The following BICC1 variants were observed in gnomAD, a reference collection of about 807,000 sequenced individuals.
The protein encoded by BICC1 is protein bicaudal C homolog 1.
Under a neutral mutation model 111.0 loss-of-function variants are expected in BICC1, and 43 were observed. The ratio of observed to expected loss-of-function variants is 0.39; its 90% CI spans 0.30 to 0.50. The LOEUF (loss-of-function observed/expected upper bound fraction) is 0.50. Among genes scored for constraint, BICC1 ranks in the 20% least tolerant of loss-of-function variants. The pLI, the probability that BICC1 is intolerant of heterozygous loss-of-function variation, is 0.88. For missense variants in BICC1, 1,091 were observed against 1,203.2 expected, an observed-to-expected ratio of 0.91 and a Z score of 1.38; for synonymous variants, 467 against 434.4, an observed-to-expected ratio of 1.07 and a Z score of -0.93.
intron 2 of BICC1, among the ~76,000 whole-genome samples, chr10:58,684,667 G>A (rs1279174918): frequency 6.6e-6 from 1 of 152,156 alleles, no homozygotes; most frequent in Non-Finnish European, 1.5e-5. Context: ...TTGCATAGAG[G>A]TGTTTATAGT....
chr10:58,726,147 T>A (rs1841096975), intron 3 of BICC1, among the ~76,000 whole-genome samples: 1 of 152,206 alleles, frequency 6.6e-6, no homozygotes, highest in South Asian at 2.1e-4. Flanking sequence ...CATTTAAAAT[T>A]GTTTGCAAGC....
chr10:58,605,369 C>A (rs1244339793), intron 1 of BICC1, among the ~76,000 whole-genome samples: 1 of 152,170 alleles, frequency 6.6e-6, no homozygotes, highest in African/African-American at 2.4e-5. Context: ...CTGTTTATTG[C>A]ATTCTCCCCA....
At chr10:58,788,937 T>A (rs1843092483) in intron 6 of BICC1, among the ~76,000 whole-genome samples, 1 of 151,996 alleles carries the variant, frequency 6.6e-6, no homozygotes, top group Non-Finnish European at 1.5e-5. Flanking sequence ...AAAACATTTT[T>A]AAAAATTAGC....
chr10:58,795,112 C>G (rs1843310505), intron 9 of BICC1, among the ~76,000 whole-genome samples: 7 of 152,016 alleles, frequency 4.6e-5, no homozygotes, highest in Admixed American at 4.6e-4. Flanking sequence ...GGGAGATGTT[C>G]TATTTATTTA....
intron 1 of BICC1, among the ~76,000 whole-genome samples, chr10:58,612,945 AC>A (rs1339323088): frequency 2.7e-5 from 4 of 147,238 alleles, no homozygotes; most frequent in Non-Finnish European, 6.1e-5. Flanking sequence ...CATTAACTGG[AC>A]TTGCTCTGTA....
At chr10:58,649,285 C>T (rs1281262450) in intron 2 of BICC1, among the ~76,000 whole-genome samples, 2 of 152,136 alleles carry the variant, frequency 1.3e-5, no homozygotes, top group Non-Finnish European at 2.9e-5. Flanking sequence ...TGCCCCAATG[C>T]CTATGAAAAG....
chr10:58,736,917 A>G (rs1481656333), intron 3 of BICC1, among the ~76,000 whole-genome samples: 1 of 152,100 alleles, frequency 6.6e-6, no homozygotes, highest in African/African-American at 2.4e-5. Flanking sequence ...TAAAGAAAAT[A>G]GAACTAATTT....
Position 58,814,123 on chromosome 10 carries a change from C to T in BICC1, c.2533+137C>T, listed in dbSNP as rs756710654. 3.5e-5 allele frequency: 34 copies of T among 977,044 alleles called. 1 individual carries two copies. The African/African-American group carries it at 5.5e-4, about 16-fold the overall frequency. The allele number at this position is 977,044 out of a possible 1,614,324, so 60.5% of individuals were successfully genotyped here. On this transcript the variant is annotated intron_variant, in intron 18 of 20. Coordinates refer to ENST00000373886, the MANE Select transcript of BICC1 (RefSeq NM_001080512.3). ...TCACATGCCATCTCCTCTGTGAAGC[C>T]TCCTTGTTTCTCCCAGTGAAGCAGG...
intron 1 of BICC1, among the ~76,000 whole-genome samples, chr10:58,574,255 G>A (rs373765901): frequency 1.2e-4 from 18 of 152,228 alleles, no homozygotes; most frequent in African/African-American, 4.3e-4. Context: ...AATCAGATTG[G>A]GAGATGGATT....
chr10:58,716,154 T>G (rs1840733161), intron 3 of BICC1: 1 of 1,504,060 alleles, frequency 6.6e-7, no homozygotes, highest in Admixed American at 2.0e-5. Context: ...CAGAGTATAT[T>G]GAGGAGGTGC....
In BICC1 at chr10:58,614,702, T is replaced by G. The variant is rs571336610; in HGVS notation, c.191-6153T>G. Among the ~76,000 whole-genome samples, 507 of 152,274 alleles carry G rather than the reference T, an allele frequency of 3.3e-3. 4 individuals are homozygous for G. The highest frequency in any genetic ancestry group is 0.011 in the African/African-American group (477 of 41,550). On this transcript the variant is annotated intron_variant, in intron 1 of 20. Transcript: ENST00000373886. Reference sequence around the variant, plus strand: ...CTGTGAAGGGTGTTTAGTGTTTTGATGGACTTGGAATGAAGGGGCATGACA... The same window carrying G: ...CTGTGAAGGGTGTTTAGTGTTTTGAGGGACTTGGAATGAAGGGGCATGACA...
intron 19 of BICC1, among the ~76,000 whole-genome samples, chr10:58,819,071 A>G (rs976780797): frequency 1.4e-4 from 21 of 152,158 alleles, no homozygotes; most frequent in African/African-American, 4.8e-4. Context: ...CTGTAGGCCA[A>G]CTGCCTGATT....
intron 3 of BICC1, among the ~76,000 whole-genome samples, chr10:58,741,540 A>T (rs1339336045): frequency 1.3e-5 from 2 of 152,198 alleles, no homozygotes; most frequent in African/African-American, 4.8e-5. Context: ...AATTCCCAAG[A>T]GAGCAATATA....
At chr10:58,641,830 T>TG (rs1838132947) in intron 2 of BICC1, among the ~76,000 whole-genome samples, 1 of 152,172 alleles carries the variant, frequency 6.6e-6, no homozygotes, top group Admixed American at 6.5e-5. Flanking sequence ...AGTCTAGTGG[T>TG]GTTAGCATTG....
chr10:58,613,261 G>A (rs987311840), intron 1 of BICC1, among the ~76,000 whole-genome samples: 19 of 152,140 alleles, frequency 1.2e-4, no homozygotes, highest in Admixed American at 8.5e-4. Context: ...ACATCCAAGC[G>A]AATAAACTTT....
chr10:58,538,837 A>T (rs1842889178), intron 1 of BICC1, among the ~76,000 whole-genome samples: 1 of 151,978 alleles, frequency 6.6e-6, no homozygotes, highest in African/African-American at 2.4e-5. Context: ...AATGCTCAAC[A>T]TCACTAATCA....
chr10:58,620,047 G>A (rs1009541561), intron 1 of BICC1, among the ~76,000 whole-genome samples: 6 of 152,160 alleles, frequency 3.9e-5, no homozygotes, highest in Non-Finnish European at 8.8e-5. Flanking sequence ...ACCTGAGTCA[G>A]AGTCCTGTTT....
At chr10:58,613,110 G>A (rs1055243776) in intron 1 of BICC1, among the ~76,000 whole-genome samples, 4 of 152,110 alleles carry the variant, frequency 2.6e-5, no homozygotes, top group East Asian at 3.9e-4. Flanking sequence ...AAAATGAATC[G>A]TTCAGCTTAA....
At chr10:58,660,772 C>A (rs1343166961) in intron 2 of BICC1, among the ~76,000 whole-genome samples, 1 of 152,138 alleles carries the variant, frequency 6.6e-6, no homozygotes, top group Non-Finnish European at 1.5e-5. Flanking sequence ...ATTGCACCTC[C>A]TCAGGAGGAG....
Sources: gnomAD v4.1 joint callset for allele counts (sites outside exome capture counted in the v4.1 genomes callset) on GRCh38, gnomAD v4.1.1 for gene constraint, MANE v1.5 for transcripts, NCBI Gene and HGNC (gene_info 2026-07-23, HGNC 2026-07-21) for gene names.